Variants in CNTN4 observed in about 807,000 individuals in gnomAD.
The protein encoded by CNTN4 is contactin-4.
CNTN4 carries 77 observed loss-of-function variants against 122.5 expected under a neutral mutation model. That is an observed-to-expected ratio of 0.63 (90% CI 0.52 to 0.76). CNTN4 has a LOEUF of 0.76. Ranked by LOEUF, CNTN4 falls within the 30% of genes least tolerant of loss-of-function variation. The pLI is 0.00. For synonymous variants in CNTN4, 512 were observed against 447.0 expected (o/e 1.15, Z -1.83); for missense variants, 1,256 against 1,259.1 (o/e 1.00, Z 0.04).
At chr3:2,433,213 T>G (rs1382179389) in intron 3 of CNTN4, among the ~76,000 whole-genome samples, 2 of 152,226 alleles carry the variant, frequency 1.3e-5, no homozygotes, top group East Asian at 3.8e-4. Context: ...TCTAAGGAAC[T>G]GCCATACTGT....
intron 14 of CNTN4, among the ~76,000 whole-genome samples, chr3:3,005,564 C>A (rs543625551): frequency 3.9e-5 from 6 of 151,940 alleles, no homozygotes; most frequent in Non-Finnish European, 8.8e-5. Flanking sequence ...TTATTTCTCA[C>A]AGTTCTGGAG....
intron 3 of CNTN4, among the ~76,000 whole-genome samples, chr3:2,460,719 A>G (rs2049172970): frequency 1.3e-5 from 2 of 152,208 alleles, no homozygotes; most frequent in Admixed American, 6.5e-5. Flanking sequence ...AAAGGTCTCA[A>G]CGCAAATCTT....
Position 2,709,886 on chromosome 3 carries a change from C to T in CNTN4, c.56-26329C>T, listed in dbSNP as rs1016114694. On this transcript the variant is annotated intron_variant, in intron 4 of 24. Coordinates refer to ENST00000418658, the MANE Select transcript of CNTN4 (RefSeq NM_175607.3). The surrounding 1 kb of genome is among the most constrained non-coding windows in gnomAD (Gnocchi z 5.0). Reference sequence around the variant, plus strand: ...CTGCACTCCAGCCTGGGTGACAGGGCAAGACCCTGTCTCAAACATATAAAT... The same window carrying T: ...CTGCACTCCAGCCTGGGTGACAGGGTAAGACCCTGTCTCAAACATATAAAT... Among the ~76,000 whole-genome samples, 20 of 151,876 alleles carry T rather than the reference C, an allele frequency of 1.3e-4. No homozygotes were observed. The South Asian group carries it at 1.9e-3, about 14-fold the overall frequency.
At chr3:3,016,160 A>G (rs907760760) in intron 14 of CNTN4, among the ~76,000 whole-genome samples, 4 of 152,288 alleles carry the variant, frequency 2.6e-5, no homozygotes, top group Admixed American at 2.0e-4. Flanking sequence ...GGCACGCCAT[A>G]GAGTGATTTT....
At chr3:2,106,606 C>T (rs6801024) in intron 2 of CNTN4, among the ~76,000 whole-genome samples, 4,690 of 152,266 alleles carry the variant, frequency 0.031, 238 homozygotes, top group African/African-American at 0.1. Flanking sequence ...CTGTACACAG[C>T]AGGGAGCCCA....
chr3:2,427,171 C>G (rs1192029119), intron 3 of CNTN4, among the ~76,000 whole-genome samples: 1 of 152,082 alleles, frequency 6.6e-6, no homozygotes, highest in Non-Finnish European at 1.5e-5. Flanking sequence ...GTTAGGGTGT[C>G]AATTTTAGAT....
At chr3:2,857,437 A>G (rs926855156) in intron 7 of CNTN4, among the ~76,000 whole-genome samples, 1 of 152,344 alleles carries the variant, frequency 6.6e-6, no homozygotes, top group African/African-American at 2.4e-5. Flanking sequence ...CAAATTTTTA[A>G]CAAATAGCTG....
intron 6 of CNTN4, among the ~76,000 whole-genome samples, chr3:2,800,978 C>A (rs1350099318): frequency 6.6e-6 from 1 of 152,214 alleles, no homozygotes; most frequent in African/African-American, 2.4e-5. Context: ...CCTTCCTACT[C>A]CCAGCTCTCT....
At chr3:2,347,142 CATT>C (rs34011905) in intron 3 of CNTN4, among the ~76,000 whole-genome samples, 74,696 of 151,704 alleles carry the variant, frequency 0.49, 18,570 homozygotes, top group Admixed American at 0.52. Flanking sequence ...GTTCATGCTG[CATT>C]ATTAGCAAAC....
intron 6 of CNTN4, among the ~76,000 whole-genome samples, chr3:2,792,775 A>G (rs1438685403): frequency 6.6e-6 from 1 of 152,214 alleles, no homozygotes; most frequent in Non-Finnish European, 1.5e-5. Flanking sequence ...TGGGAGAGAG[A>G]AATCCTTAGT....
intron 16 of CNTN4, 141 bp from the exon 17 acceptor site, chr3:3,034,491 A>C: frequency 2.3e-6 from 2 of 885,982 alleles, no homozygotes; most frequent in Non-Finnish European, 3.6e-6. Flanking sequence ...ACGTAGTAGG[A>C]GTTCAAAAAG....
chr3:2,997,373 G>C (rs987488863), intron 14 of CNTN4, among the ~76,000 whole-genome samples: 2 of 152,160 alleles, frequency 1.3e-5, no homozygotes, highest in South Asian at 2.1e-4. Context: ...TGGTCCCATG[G>C]GGGGAGCCAA....
At chr3:2,653,570 C>G (rs1158686812) in intron 4 of CNTN4, among the ~76,000 whole-genome samples, 1 of 152,136 alleles carries the variant, frequency 6.6e-6, no homozygotes, top group Non-Finnish European at 1.5e-5. Context: ...AAAGATTGGT[C>G]TTTTCACTGA....
chr3:2,612,742 C>T (rs4637273), intron 4 of CNTN4, among the ~76,000 whole-genome samples: 21,905 of 152,036 alleles, frequency 0.14, 1,737 homozygotes, highest in African/African-American at 0.19. Flanking sequence ...TTTCATGTCT[C>T]TATTACAGAA....
At chr3:2,258,256 G>A (rs1461964106) in intron 2 of CNTN4, among the ~76,000 whole-genome samples, 2 of 152,092 alleles carry the variant, frequency 1.3e-5, no homozygotes, top group Non-Finnish European at 2.9e-5. Context: ...TATACCCAAA[G>A]CATTATAAAT....
chr3:2,836,976 C>T (rs191831028), intron 7 of CNTN4, among the ~76,000 whole-genome samples: 7 of 151,788 alleles, frequency 4.6e-5, no homozygotes, highest in Admixed American at 3.3e-4. Context: ...TAACAGAGGA[C>T]GTAAAGACAA....
At chr3:2,712,084 A>G (rs1223293773) in intron 4 of CNTN4, among the ~76,000 whole-genome samples, 2 of 152,212 alleles carry the variant, frequency 1.3e-5, no homozygotes, top group African/African-American at 4.8e-5. Context: ...ATATACATTC[A>G]TTAAAAATGC....
chr3:2,715,952 G>A (rs551227957), intron 4 of CNTN4, among the ~76,000 whole-genome samples: 1 of 152,182 alleles, frequency 6.6e-6, no homozygotes, highest in African/African-American at 2.4e-5. Flanking sequence ...CCCATTACAT[G>A]TTTTAATTTT....
At chr3:2,706,937 A>T (rs1182627959) in intron 4 of CNTN4, among the ~76,000 whole-genome samples, 1 of 152,124 alleles carries the variant, frequency 6.6e-6, no homozygotes, top group Non-Finnish European at 1.5e-5. Context: ...CAAAGTGCCC[A>T]GAAGTGTAAC....
Sources: gnomAD v4.1 joint callset for allele counts (sites outside exome capture counted in the v4.1 genomes callset) on GRCh38, gnomAD v4.1.1 for gene constraint, Gnocchi (gnomAD v3.1) non-coding constraint, MANE v1.5 for transcripts, NCBI Gene and HGNC (gene_info 2026-07-23, HGNC 2026-07-21) for gene names.